DTNB: variants seen among roughly 807,000 people sequenced by gnomAD.
DTNB encodes the protein dystrobrevin beta.
In DTNB, 63 loss-of-function variants were observed where a neutral mutation model predicts 90.7. The observed-to-expected ratio is 0.69, with a 90% CI of 0.57 to 0.86. DTNB has a LOEUF of 0.86. DTNB is among the 40% of genes least tolerant of loss of function. The pLI is 0.00. For synonymous variants in DTNB, 277 were observed against 286.7 expected (o/e 0.97, Z 0.34); for missense variants, 744 against 807.1 (o/e 0.92, Z 0.95).
At chr2:25,523,379 CCTGTT>C (rs2076488320) in intron 9 of DTNB, among the ~76,000 whole-genome samples, 2 of 152,176 alleles carry the variant, frequency 1.3e-5, no homozygotes, top group African/African-American at 4.8e-5. Flanking sequence ...GTGGCTCACG[CCTGTT>C]ATCTCAGCAC....
At chr2:25,394,241 A>T (rs2041882458) in intron 16 of DTNB, among the ~76,000 whole-genome samples, 1 of 152,192 alleles carries the variant, frequency 6.6e-6, no homozygotes, top group African/African-American at 2.4e-5. Flanking sequence ...ACAAAAATCA[A>T]CTCAGGTTGG....
rs114832840 is a variant in DTNB, at chr2:25,515,939, C to T, written c.1001+15534G>A. Among the ~76,000 whole-genome samples the T allele has an allele frequency of 7.1e-4, 108 of 152,132 alleles. 2 individuals are homozygous for T. Among genetic ancestry groups the T allele is most frequent in the Admixed American group, 1.3e-3 (20 of 15,268 alleles). On this transcript the variant is annotated intron_variant, in intron 9 of 20. Coordinates refer to ENST00000406818, the MANE Select transcript of DTNB (RefSeq NM_021907.5). ...GTGCAGGGTGTACAGAAACTCTGTCCTATTTATGAAACTTCTGTAAATCTA... is the reference window on the plus strand; with the variant it reads ...GTGCAGGGTGTACAGAAACTCTGTCTTATTTATGAAACTTCTGTAAATCTA...
intron 1 of DTNB, among the ~76,000 whole-genome samples, chr2:25,663,320 C>T (rs994985045): frequency 3.9e-5 from 6 of 152,098 alleles, no homozygotes; most frequent in Non-Finnish European, 5.9e-5. Context: ...TATTAATGGG[C>T]ATTTGGGTTG....
intron 19 of DTNB, chr2:25,379,546 C>T (rs1006245338): frequency 4.7e-6 from 2 of 429,540 alleles, no homozygotes; most frequent in African/African-American, 4.1e-5. Context: ...AGATGCTTCT[C>T]AGGAGAAGGA....
intron 9 of DTNB, among the ~76,000 whole-genome samples, chr2:25,528,221 A>G (rs188333760): frequency 6.6e-6 from 1 of 152,336 alleles, no homozygotes; most frequent in African/African-American, 2.4e-5. Context: ...CATGACAAAA[A>G]GAAAGCATTT....
intron 2 of DTNB, 168 bp from the exon 3 acceptor site, chr2:25,639,262 C>T (rs769812333): frequency 1.4e-4 from 76 of 540,298 alleles, no homozygotes; most frequent in African/African-American, 4.0e-4. Context: ...ATAGGAAACA[C>T]GTGCATCTCC....
intron 16 of DTNB, among the ~76,000 whole-genome samples, chr2:25,417,931 T>C (rs540355730): frequency 1.3e-5 from 2 of 152,260 alleles, no homozygotes; most frequent in Non-Finnish European, 2.9e-5. Flanking sequence ...CCCAGCCCCC[T>C]TGAGGTGAAG....
Position 25,424,148 on chromosome 2 carries a change from C to T in DTNB, c.1554+3387G>A, listed in dbSNP as rs867349646. Among the ~76,000 whole-genome samples the T allele has an allele frequency of 3.9e-5, 6 of 152,092 alleles. No individual in the cohort carries two copies. Among genetic ancestry groups the T allele is most frequent in the Admixed American group, 1.3e-4 (2 of 15,264 alleles). On this transcript the variant is annotated intron_variant, in intron 15 of 20. Transcript: ENST00000406818. The surrounding 1 kb of genome is among the most constrained non-coding windows in gnomAD (Gnocchi z 4.1). ...CTGGACACTAAAGGCATGAGATTTT[C>T]GACTGTGAATTCTAGCCAATGGATA... is the stretch of plus-strand genomic sequence containing the variant.
At chr2:25,593,699 A>C (rs567285190) in intron 6 of DTNB, among the ~76,000 whole-genome samples, 1 of 152,370 alleles carries the variant, frequency 6.6e-6, no homozygotes, top group East Asian at 1.9e-4. Flanking sequence ...CCTAGATAGC[A>C]TTCTTAGAAT....
chr2:25,603,131 T>A (rs2066263962), intron 5 of DTNB, among the ~76,000 whole-genome samples: 1 of 152,214 alleles, frequency 6.6e-6, no homozygotes, highest in Non-Finnish European at 1.5e-5. Flanking sequence ...AATTTATGAA[T>A]CTTTTGCTCC....
At chr2:25,533,994 T>G (rs1279458020) in intron 8 of DTNB, among the ~76,000 whole-genome samples, 2 of 151,964 alleles carry the variant, frequency 1.3e-5, no homozygotes, top group Non-Finnish European at 2.9e-5. Context: ...GCGTTTATTT[T>G]TTTTTTAATT....
At chr2:25,598,174 A>G (rs546110700) in intron 5 of DTNB, among the ~76,000 whole-genome samples, 1 of 152,322 alleles carries the variant, frequency 6.6e-6, no homozygotes, top group East Asian at 1.9e-4. Flanking sequence ...ACTGAGCCAA[A>G]AAAGCAGGCC....
At chr2:25,638,692 T>A (rs1362138104) in intron 3 of DTNB, among the ~76,000 whole-genome samples, 1 of 152,208 alleles carries the variant, frequency 6.6e-6, no homozygotes, top group Non-Finnish European at 1.5e-5. Context: ...ATTGTTTTTC[T>A]TTTCCTCCAG....
At chr2:25,448,932 G>T (rs2058843115) in intron 12 of DTNB, among the ~76,000 whole-genome samples, 1 of 149,402 alleles carries the variant, frequency 6.7e-6, no homozygotes, top group African/African-American at 2.5e-5. Context: ...CACCCCTATT[G>T]AAATGTGGAA....
At chr2:25,592,195 T>C (rs1480215707) in intron 6 of DTNB, among the ~76,000 whole-genome samples, 1 of 151,962 alleles carries the variant, frequency 6.6e-6, no homozygotes, top group African/African-American at 2.4e-5. Flanking sequence ...AGACATACCA[T>C]CTCTTAAATT....
intron 11 of DTNB, among the ~76,000 whole-genome samples, chr2:25,454,594 G>A (rs1219971635): frequency 6.6e-6 from 1 of 152,174 alleles, no homozygotes; most frequent in Non-Finnish European, 1.5e-5. Flanking sequence ...GAATGGTGGT[G>A]GGTGTGGGCA....
chr2:25,641,410 T>C (rs971265830), intron 2 of DTNB, among the ~76,000 whole-genome samples: 2 of 152,208 alleles, frequency 1.3e-5, no homozygotes, highest in African/African-American at 2.4e-5. Context: ...CCTGGTTTCT[T>C]AGAAGGAAAG....
chr2:25,405,565 CTATTT>C (rs982484136), intron 16 of DTNB, among the ~76,000 whole-genome samples: 9 of 151,764 alleles, frequency 5.9e-5, no homozygotes, highest in African/African-American at 2.2e-4. Flanking sequence ...ATAAAATGTT[CTATTT>C]TTTTTCCACC....
intron 16 of DTNB, among the ~76,000 whole-genome samples, chr2:25,393,430 G>C (rs1462406212): frequency 1.3e-5 from 2 of 152,150 alleles, no homozygotes; most frequent in Non-Finnish European, 2.9e-5. Context: ...TCGGTAAAGA[G>C]GAAGTCAAAC....
Sources: gnomAD v4.1 joint callset for allele counts (sites outside exome capture counted in the v4.1 genomes callset) on GRCh38, gnomAD v4.1.1 for gene constraint, Gnocchi (gnomAD v3.1) non-coding constraint, MANE v1.5 for transcripts, NCBI Gene and HGNC (gene_info 2026-07-23, HGNC 2026-07-21) for gene names.